The following GPC6 variants were observed in gnomAD, a reference collection of about 807,000 sequenced individuals.
GPC6 encodes the protein glypican 6, also known as glypican-6.
A neutral mutation model predicts 55.2 loss-of-function variants in GPC6; 14 were observed. That is an observed-to-expected ratio of 0.25 (90% CI 0.17 to 0.40). The LOEUF (loss-of-function observed/expected upper bound fraction) is 0.40, where lower values mean the gene tolerates loss of function less well. GPC6 is among the 10% of genes least tolerant of loss of function. GPC6 has a pLI of 1.00. For missense variants in GPC6, 641 were observed against 708.5 expected (o/e 0.90, Z 1.08); for synonymous variants, 278 against 259.6 (o/e 1.07, Z -0.68).
chr13:93,828,004 A>T (rs1413614594), intron 2 of GPC6, among the ~76,000 whole-genome samples: 1 of 149,836 alleles, frequency 6.7e-6, no homozygotes, highest in African/African-American at 2.4e-5. Context: ...GTATCAGAGA[A>T]TTTTTTTTTT....
At chr13:93,994,112 A>G (rs1167184329) in intron 3 of GPC6, among the ~76,000 whole-genome samples, 1 of 152,182 alleles carries the variant, frequency 6.6e-6, no homozygotes, top group Non-Finnish European at 1.5e-5. Flanking sequence ...CATGGGAGAG[A>G]AGATTTTTCA....
intron 1 of GPC6, among the ~76,000 whole-genome samples, chr13:93,389,810 A>T (rs1215141424): frequency 6.6e-6 from 1 of 152,034 alleles, no homozygotes; most frequent in Non-Finnish European, 1.5e-5. Flanking sequence ...AACAGTTGGG[A>T]TAAATTGTTA....
At chr13:93,649,295 T>TA (rs1470268234) in intron 2 of GPC6, among the ~76,000 whole-genome samples, 1 of 152,102 alleles carries the variant, frequency 6.6e-6, no homozygotes, top group African/African-American at 2.4e-5. Flanking sequence ...TACAAAAATT[T>TA]AAAAACATTA....
At chr13:93,516,700 G>GTAT (rs1249031622) in intron 1 of GPC6, among the ~76,000 whole-genome samples, 1 of 152,070 alleles carries the variant, frequency 6.6e-6, no homozygotes, top group Non-Finnish European at 1.5e-5. Context: ...AACCAAAAAG[G>GTAT]TATTTATTTT....
At chr13:93,748,787 G>A (rs372867959) in intron 2 of GPC6, among the ~76,000 whole-genome samples, 8 of 152,066 alleles carry the variant, frequency 5.3e-5, no homozygotes, top group African/African-American at 1.7e-4. Context: ...TCTTTGAAGG[G>A]ATAAGAGTGT....
chr13:93,909,097 A>G (rs1325485319), intron 3 of GPC6, among the ~76,000 whole-genome samples: 3 of 152,138 alleles, frequency 2.0e-5, no homozygotes, highest in Non-Finnish European at 4.4e-5. Context: ...TGTCTTCTTT[A>G]CCTATTTCCG....
chr13:94,251,929 CA>C (rs1232785997), intron 4 of GPC6, among the ~76,000 whole-genome samples: 2 of 152,096 alleles, frequency 1.3e-5, no homozygotes, highest in African/African-American at 2.4e-5. Context: ...GTCTACATCA[CA>C]GCTGTGAAAC....
intron 6 of GPC6, among the ~76,000 whole-genome samples, chr13:94,347,004 G>T (rs982216722): frequency 6.6e-6 from 1 of 152,024 alleles, no homozygotes; most frequent in Non-Finnish European, 1.5e-5. Flanking sequence ...ATACTAACAG[G>T]GGTGAACAGA....
At chr13:94,127,236 G>A (rs1054774484) in intron 4 of GPC6, among the ~76,000 whole-genome samples, 1 of 152,010 alleles carries the variant, frequency 6.6e-6, no homozygotes, top group African/African-American at 2.4e-5. Context: ...ATTTGTCCCT[G>A]CCCAAATCTC....
chr13:94,234,631 C>T (rs1255067878), intron 4 of GPC6, among the ~76,000 whole-genome samples: 1 of 151,692 alleles, frequency 6.6e-6, no homozygotes. Context: ...TTCTTGGACC[C>T]TTAAAGCTTG....
At chr13:94,115,588 T>C (rs1275648335) in intron 4 of GPC6, among the ~76,000 whole-genome samples, 2 of 152,110 alleles carry the variant, frequency 1.3e-5, no homozygotes, top group Non-Finnish European at 2.9e-5. Flanking sequence ...TTTGGTGATC[T>C]GTAATCCAGG....
At chr13:93,887,204 A>G (rs1207657026) in intron 3 of GPC6, among the ~76,000 whole-genome samples, 2 of 152,086 alleles carry the variant, frequency 1.3e-5, no homozygotes, top group Admixed American at 6.6e-5. Context: ...AAATGTAATA[A>G]TATTTTTATT....
At chr13:94,095,746 G>C (rs1208615427) in intron 4 of GPC6, among the ~76,000 whole-genome samples, 1 of 152,148 alleles carries the variant, frequency 6.6e-6, no homozygotes, top group African/African-American at 2.4e-5. Context: ...GATAGATGGA[G>C]GGGGAGAAAT....
chr13:93,710,493 T>C (rs1416094601), intron 2 of GPC6, among the ~76,000 whole-genome samples: 1 of 151,764 alleles, frequency 6.6e-6, no homozygotes, highest in Non-Finnish European at 1.5e-5. Flanking sequence ...CAGAAACCAA[T>C]AATGGTATGT....
intron 1 of GPC6, among the ~76,000 whole-genome samples, chr13:93,334,888 C>T (rs1043338905): frequency 1.3e-5 from 2 of 152,016 alleles, no homozygotes; most frequent in African/African-American, 4.8e-5. Context: ...TAATTCCAAC[C>T]TTTAACATAA....
chr13:94,229,945 G>T (rs138781364), intron 4 of GPC6, among the ~76,000 whole-genome samples: 56 of 152,264 alleles, frequency 3.7e-4, no homozygotes, highest in African/African-American at 1.3e-3. Flanking sequence ...GAGAGAAGAT[G>T]CCCAAGTTAC....
At chr13:94,080,385 A>T (rs981397912) in intron 4 of GPC6, among the ~76,000 whole-genome samples, 4 of 151,962 alleles carry the variant, frequency 2.6e-5, no homozygotes, top group Non-Finnish European at 5.9e-5. Flanking sequence ...ATTAGAATAC[A>T]TAACACAGAG....
intron 5 of GPC6, among the ~76,000 whole-genome samples, chr13:94,297,752 C>G (rs1875421344): frequency 6.6e-6 from 1 of 152,048 alleles, no homozygotes; most frequent in Admixed American, 6.6e-5. Flanking sequence ...GAAAAGTGGA[C>G]AAAACTAAAA....
At chr13:93,217,417 T>C in the GPC6 span, among the ~76,000 whole-genome samples, 2 of 152,236 alleles carry the variant, frequency 1.3e-5, no homozygotes, top group African/African-American at 4.8e-5. Flanking sequence ...GTATTTTTTA[T>C]GTGTGCCCCA....
Sources: allele counts gnomAD v4.1 joint callset (sites outside exome capture counted in the v4.1 genomes callset), GRCh38; gene constraint gnomAD v4.1.1; transcripts MANE v1.5; gene names NCBI Gene and HGNC (gene_info 2026-07-23, HGNC 2026-07-21).